PDZD2: variants seen among roughly 807,000 people sequenced by gnomAD.
PDZD2 encodes PDZ domain containing 2, also known as PDZ domain-containing protein 2.
Under a neutral mutation model 220.7 loss-of-function variants are expected in PDZD2, and 90 were observed. The ratio of observed to expected loss-of-function variants is 0.41; its 90% CI spans 0.34 to 0.49. The LOEUF (loss-of-function observed/expected upper bound fraction) is 0.49. Among genes scored for constraint, PDZD2 ranks in the 20% least tolerant of loss-of-function variants. PDZD2 has a pLI of 0.28. For synonymous variants in PDZD2, 1,375 were observed against 1,450.5 expected, an observed-to-expected ratio of 0.95 and a Z score of 1.18; for missense variants, 3,174 against 3,608.5, an observed-to-expected ratio of 0.88 and a Z score of 3.08.
At chr5:31,999,032 G>A (rs146603978) in intron 4 of PDZD2, among the ~76,000 whole-genome samples, 2 of 152,268 alleles carry the variant, frequency 1.3e-5, no homozygotes, top group Admixed American at 6.5e-5. Context: ...CTCTGGCACA[G>A]TGTGCCATGC....
intron 1 of PDZD2, among the ~76,000 whole-genome samples, chr5:31,714,287 T>C (rs1189186876): frequency 6.6e-6 from 1 of 152,110 alleles, no homozygotes; most frequent in Non-Finnish European, 1.5e-5. Context: ...CTGATTGAGG[T>C]TGTCAGGCAA....
chr5:31,766,417 C>T (rs2059864), intron 1 of PDZD2, among the ~76,000 whole-genome samples: 61,131 of 151,968 alleles, frequency 0.4, 13,539 homozygotes, highest in African/African-American at 0.58. Flanking sequence ...TCTCACTCTG[C>T]CGCCTAGGCT....
At chr5:31,833,465 CTCAAAAAAAAAAGAAAAAA>C (rs1457140823) in intron 2 of PDZD2, among the ~76,000 whole-genome samples, 15 of 60,544 alleles carry the variant, frequency 2.5e-4, no homozygotes, top group Non-Finnish European at 1.7e-4. Context: ...GAGACCCTGT[CTCAAAAAAAAAAGAAAAAA>C]AAAAAAAAAA....
intron 1 of PDZD2, among the ~76,000 whole-genome samples, chr5:31,659,770 A>G (rs1745691340): frequency 6.6e-6 from 1 of 152,174 alleles, no homozygotes; most frequent in Non-Finnish European, 1.5e-5. Flanking sequence ...TATCTGTTGT[A>G]CCTGTCTCCA....
At chr5:31,885,942 C>T (rs1740423894) in intron 2 of PDZD2, among the ~76,000 whole-genome samples, 1 of 150,874 alleles carries the variant, frequency 6.6e-6, no homozygotes, top group Non-Finnish European at 1.5e-5. Context: ...AAAATAATTT[C>T]TCTTTTTCTC....
At chr5:31,956,804 A>G (rs1447526591) in intron 2 of PDZD2, among the ~76,000 whole-genome samples, 2 of 145,232 alleles carry the variant, frequency 1.4e-5, no homozygotes, top group African/African-American at 5.0e-5. Context: ...GAGGAAACTG[A>G]TTTCCTCCCA....
At chr5:31,931,714 TG>T (rs1360275045) in intron 2 of PDZD2, among the ~76,000 whole-genome samples, 3 of 152,168 alleles carry the variant, frequency 2.0e-5, no homozygotes, top group Non-Finnish European at 4.4e-5. Context: ...GCCAGAGAGC[TG>T]GAGGCAGCTC....
At chr5:32,013,798 T>G (rs1160530005) in intron 6 of PDZD2, among the ~76,000 whole-genome samples, 2 of 152,102 alleles carry the variant, frequency 1.3e-5, no homozygotes, top group Non-Finnish European at 2.9e-5. Context: ...CCCCTTCTGC[T>G]CCACCCCCAT....
intron 2 of PDZD2, among the ~76,000 whole-genome samples, chr5:31,933,295 G>A (rs901228057): frequency 6.6e-6 from 1 of 152,156 alleles, no homozygotes; most frequent in Non-Finnish European, 1.5e-5. Context: ...GTATTCCATT[G>A]TACATATGTA....
chr5:31,850,226 G>GTATATATATATATATATA (rs752884909), intron 2 of PDZD2, among the ~76,000 whole-genome samples: 5 of 101,210 alleles, frequency 4.9e-5, no homozygotes, highest in African/African-American at 1.6e-4. Context: ...ATATATATAA[G>GTATATATATATATATATA]TATATATATA....
At chr5:31,744,197 G>A (rs974636592) in intron 1 of PDZD2, 1 of 152,198 alleles carries the variant, frequency 6.6e-6, no homozygotes, top group African/African-American at 2.4e-5. Context: ...TGGCTTGGTT[G>A]TTGATTTAAC....
intron 7 of PDZD2, 32 bp downstream of exon 7, chr5:32,037,374 C>T (rs779911495): frequency 2.4e-6 from 3 of 1,236,832 alleles, no homozygotes; most frequent in Non-Finnish European, 3.6e-6. Context: ...TGCAGCCTGT[C>T]TAGGATGAGT....
At chr5:31,661,785 G>GTTTTTT (rs5867089) in intron 1 of PDZD2, among the ~76,000 whole-genome samples, 27 of 141,826 alleles carry the variant, frequency 1.9e-4, no homozygotes, top group Non-Finnish European at 1.7e-4. Context: ...TCCTCCCTTG[G>GTTTTTT]TTTTTTTTTT....
intron 6 of PDZD2, among the ~76,000 whole-genome samples, chr5:32,015,172 C>A (rs1721422755): frequency 6.6e-6 from 1 of 152,014 alleles, no homozygotes. Flanking sequence ...GAACTCCTGA[C>A]CTCAGGTGAT....
chr5:31,772,200 CG>C (rs369539217), intron 1 of PDZD2, among the ~76,000 whole-genome samples: 6 of 152,214 alleles, frequency 3.9e-5, no homozygotes, highest in African/African-American at 1.4e-4. Flanking sequence ...ATCTGTTTCC[CG>C]GGTCACCAGC....
intron 2 of PDZD2, among the ~76,000 whole-genome samples, chr5:31,854,670 C>T (rs576289553): frequency 1.3e-4 from 20 of 152,254 alleles, no homozygotes; most frequent in African/African-American, 4.6e-4. Context: ...TTTCCTCTAA[C>T]CTGCTCCAGG....
chr5:32,098,733 G>T lies in PDZD2; in HGVS notation c.8218+99G>T. The T allele has an allele frequency of 9.0e-7, 1 of 1,113,050 alleles. No individual in the cohort carries two copies. The highest frequency in any genetic ancestry group is 1.3e-6 in the Non-Finnish European group (1 of 789,572). 68.9% of individuals were successfully genotyped at this position (1,113,050 alleles called of 1,614,324 possible). Reference sequence around the variant, plus strand: ...GAAAATAACAGCTAACTAACTTCTAGATCTGAAAAATTAAATGTAGCGAAG... The same window carrying T: ...GAAAATAACAGCTAACTAACTTCTATATCTGAAAAATTAAATGTAGCGAAG... On this transcript the variant is annotated intron_variant, in intron 23 of 24. Transcript: ENST00000438447. The surrounding 1 kb of genome is among the most constrained non-coding windows in gnomAD (Gnocchi z 4.1).
intron 2 of PDZD2, among the ~76,000 whole-genome samples, chr5:31,924,508 C>A (rs1283614783): frequency 6.6e-6 from 1 of 152,010 alleles, no homozygotes; most frequent in African/African-American, 2.4e-5. Context: ...GGTGATAGGT[C>A]CCTGTGGAAA....
intron 1 of PDZD2, among the ~76,000 whole-genome samples, chr5:31,700,581 A>G (rs542290562): frequency 1.3e-5 from 2 of 152,290 alleles, no homozygotes; most frequent in African/African-American, 4.8e-5. Flanking sequence ...GCCTGCTAAG[A>G]TCCCCAACAT....
Sources: allele counts gnomAD v4.1 joint callset (sites outside exome capture counted in the v4.1 genomes callset), GRCh38; gene constraint gnomAD v4.1.1; non-coding constraint Gnocchi (gnomAD v3.1); transcripts MANE v1.5; gene names NCBI Gene and HGNC (gene_info 2026-07-23, HGNC 2026-07-21).